FNDC3A: variants seen among roughly 807,000 people sequenced by gnomAD.
FNDC3A encodes fibronectin type III domain containing 3A.
Under a neutral mutation model 148.9 loss-of-function variants are expected in FNDC3A, and 32 were observed. The observed-to-expected ratio is 0.21, with a 90% CI of 0.16 to 0.29. The LOEUF is 0.29. Among genes scored for constraint, FNDC3A ranks in the 10% least tolerant of loss-of-function variants. The pLI is 1.00. For missense variants in FNDC3A, 1,191 were observed against 1,452.8 expected (o/e 0.82, Z 2.93); for synonymous variants, 472 against 473.6 (o/e 1.00, Z 0.04).
intron 4 of FNDC3A, among the ~76,000 whole-genome samples, chr13:49,120,822 C>T (rs1566263664): frequency 2.0e-5 from 3 of 152,268 alleles, no homozygotes; most frequent in East Asian, 3.9e-4. Flanking sequence ...GAACCCAATA[C>T]AGGAGCACCC....
intron 1 of FNDC3A, among the ~76,000 whole-genome samples, chr13:48,979,564 A>G (rs1951662482): frequency 1.3e-5 from 2 of 152,298 alleles, no homozygotes; most frequent in South Asian, 4.1e-4. Context: ...ATGTTAGCTT[A>G]AGCACCAGGG....
chr13:49,032,897 AT>A (rs145445397), intron 2 of FNDC3A, among the ~76,000 whole-genome samples: 2,839 of 152,238 alleles, frequency 0.019, 91 homozygotes, highest in African/African-American at 0.063. Flanking sequence ...CAATAAAAAT[AT>A]TTTTAAAGCC....
chr13:49,138,607 G>T, intron 6 of FNDC3A, 140 bp from the exon 7 acceptor site: 1 of 504,660 alleles, frequency 2.0e-6, no homozygotes, highest in South Asian at 3.3e-5. Context: ...GCCACAAACT[G>T]CTGAGTATGA....
rs962145956 is a variant in FNDC3A at position 49,196,860 on chromosome 13, T to C, written c.2227-17T>C. 1 of 1,415,364 alleles carries C rather than the reference T, an allele frequency of 7.1e-7. No homozygotes were observed. The highest frequency in any genetic ancestry group is 1.4e-5 in the African/African-American group (1 of 70,540). 87.7% of individuals were successfully genotyped at this position (1,415,364 alleles called of 1,614,324 possible). Reference sequence around the variant, plus strand: ...AAGGGTGAAAAATAAAAACACTAGTTACATTTGTTTTTCTAGTTTGGACCA... The same window carrying C: ...AAGGGTGAAAAATAAAAACACTAGTCACATTTGTTTTTCTAGTTTGGACCA... On this transcript the variant is annotated splice_polypyrimidine_tract_variant and intron_variant, in intron 19 of 25. Coordinates refer to ENST00000492622, the MANE Select transcript of FNDC3A (RefSeq NM_001079673.2).
chr13:49,053,613 A>T (rs1383866559), intron 2 of FNDC3A, among the ~76,000 whole-genome samples: 1 of 152,166 alleles, frequency 6.6e-6, no homozygotes, highest in Non-Finnish European at 1.5e-5. Context: ...AGGTGGATTC[A>T]ACTATTTTCT....
chr13:49,042,989 T>C (rs1202209733), intron 2 of FNDC3A, among the ~76,000 whole-genome samples: 3 of 152,160 alleles, frequency 2.0e-5, no homozygotes, highest in African/African-American at 7.2e-5. Flanking sequence ...AGGGTCTCAT[T>C]CTGTCACCAA....
intron 1 of FNDC3A, among the ~76,000 whole-genome samples, chr13:48,983,135 C>A (rs968574484): frequency 1.3e-5 from 2 of 152,096 alleles, no homozygotes; most frequent in African/African-American, 4.8e-5. Flanking sequence ...CACTCCCTCC[C>A]CTTTAGAAAT....
chr13:49,084,117 A>G lies in FNDC3A; in HGVS notation c.175+8753A>G, dbSNP rs182336788. 1.3e-4 allele frequency among the ~76,000 whole-genome samples: 20 copies of G among 152,354 alleles called. No homozygotes were observed. The East Asian group carries it at 3.5e-3, about 26-fold the overall frequency. ...TTAATACCCACTACTGGTGAAATAA[A>G]TACTTGAGGAGAGAGAAACTTCCAC... On this transcript the variant is annotated intron_variant, in intron 3 of 25. Transcript: ENST00000492622.
chr13:48,996,415 A>G (rs1170797739), intron 1 of FNDC3A, among the ~76,000 whole-genome samples: 1 of 152,202 alleles, frequency 6.6e-6, no homozygotes, highest in Non-Finnish European at 1.5e-5. Flanking sequence ...TATTTGGGAA[A>G]AAATGGATTG....
chr13:49,074,663 T>C (rs1241998415), intron 2 of FNDC3A, among the ~76,000 whole-genome samples: 2 of 152,160 alleles, frequency 1.3e-5, no homozygotes, highest in African/African-American at 4.8e-5. Context: ...GAATTGAATA[T>C]CTTGTATCTA....
chr13:49,015,605 T>C (rs1952480672), intron 2 of FNDC3A, among the ~76,000 whole-genome samples: 1 of 152,196 alleles, frequency 6.6e-6, no homozygotes, highest in South Asian at 2.1e-4. Flanking sequence ...TTCTCCTGCC[T>C]AATTGCCCTG....
intron 1 of FNDC3A, among the ~76,000 whole-genome samples, chr13:48,983,170 G>C (rs1020915216): frequency 2.0e-5 from 3 of 152,152 alleles, no homozygotes; most frequent in Non-Finnish European, 4.4e-5. Context: ...GAGAGATAAT[G>C]ATATGTAAAT....
chr13:49,036,449 C>G (rs1434667093), intron 2 of FNDC3A, among the ~76,000 whole-genome samples: 1 of 152,208 alleles, frequency 6.6e-6, no homozygotes, highest in Non-Finnish European at 1.5e-5. Context: ...AGAGTTCTGT[C>G]AGACAGCACT....
At chr13:49,056,417 T>C (rs1043592371) in intron 2 of FNDC3A, among the ~76,000 whole-genome samples, 2 of 152,322 alleles carry the variant, frequency 1.3e-5, no homozygotes, top group Admixed American at 6.5e-5. Flanking sequence ...TGTACTATAG[T>C]GTGTCTAGGA....
At chr13:49,076,594 A>G (rs926232925) in intron 3 of FNDC3A, among the ~76,000 whole-genome samples, 1 of 152,038 alleles carries the variant, frequency 6.6e-6, no homozygotes, top group Non-Finnish European at 1.5e-5. Context: ...TGTCAATAAT[A>G]GTACACCTTA....
At chr13:49,058,159 C>T (rs1039223253) in intron 2 of FNDC3A, among the ~76,000 whole-genome samples, 5 of 152,080 alleles carry the variant, frequency 3.3e-5, no homozygotes, top group South Asian at 2.1e-4. Context: ...CTCCAACAAC[C>T]GAGCTCCCCG....
intron 5 of FNDC3A, 64 bp downstream of exon 5, chr13:49,131,438 T>G: frequency 8.7e-7 from 1 of 1,148,196 alleles, no homozygotes; most frequent in Non-Finnish European, 1.3e-6. Flanking sequence ...ATATAATAGA[T>G]GCCATTATCA....
intron 3 of FNDC3A, among the ~76,000 whole-genome samples, chr13:49,111,231 CATT>C (rs1356800350): frequency 6.6e-6 from 1 of 152,126 alleles, no homozygotes; most frequent in Non-Finnish European, 1.5e-5. Flanking sequence ...ACATTTACAT[CATT>C]AAATATGCAA....
At chr13:49,058,314 C>T (rs995495725) in intron 2 of FNDC3A, among the ~76,000 whole-genome samples, 1 of 152,166 alleles carries the variant, frequency 6.6e-6, no homozygotes, top group Non-Finnish European at 1.5e-5. Flanking sequence ...GGACAGGGAT[C>T]TTCACAGTGC....
Sources: gnomAD v4.1 joint callset for allele counts (sites outside exome capture counted in the v4.1 genomes callset) on GRCh38, gnomAD v4.1.1 for gene constraint, MANE v1.5 for transcripts, NCBI Gene and HGNC (gene_info 2026-07-23, HGNC 2026-07-21) for gene names.